LDLRAD3: variants seen among roughly 807,000 people sequenced by gnomAD.
LDLRAD3 encodes low density lipoprotein receptor class A domain containing 3, also known as low-density lipoprotein receptor class A domain-containing protein 3.
A neutral mutation model predicts 29.4 loss-of-function variants in LDLRAD3; 20 were observed. The ratio of observed to expected loss-of-function variants is 0.68; its 90% confidence interval spans 0.48 to 0.99. The LOEUF (loss-of-function observed/expected upper bound fraction) is 0.99, where lower values mean the gene tolerates loss of function less well. LDLRAD3 is among the 50% of genes least tolerant of loss of function. LDLRAD3 has a pLI of 0.00. For synonymous variants in LDLRAD3, 157 were observed against 192.7 expected (o/e 0.81, Z 1.53); for missense variants, 420 against 454.3 (o/e 0.92, Z 0.69).
At chr11:36,027,154 T>G (rs1852177698) in intron 1 of LDLRAD3, among the ~76,000 whole-genome samples, 1 of 152,206 alleles carries the variant, frequency 6.6e-6, no homozygotes, top group Non-Finnish European at 1.5e-5. Flanking sequence ...CCTCCCCATC[T>G]TCTTGCCACT....
At chr11:36,049,463 A>G (rs1852498248) in intron 2 of LDLRAD3, among the ~76,000 whole-genome samples, 1 of 152,154 alleles carries the variant, frequency 6.6e-6, no homozygotes, top group Non-Finnish European at 1.5e-5. Context: ...ACACTTGAAT[A>G]TTTTCTAAAG....
intron 3 of LDLRAD3, among the ~76,000 whole-genome samples, chr11:36,085,932 A>G (rs756367963): frequency 6.6e-6 from 1 of 151,930 alleles, no homozygotes; most frequent in Non-Finnish European, 1.5e-5. Context: ...GTTCATTTTT[A>G]ATCACTCCTT....
At position 36,229,143 on chromosome 11, in the gene LDLRAD3, T is replaced by G. The variant is rs777348525; in HGVS notation, c.801-17T>G. On this transcript the variant is annotated splice_polypyrimidine_tract_variant and intron_variant, in intron 5 of 5. Transcript: ENST00000315571. ...CCTGTCTCCATTGCCCCTGCCCCCC[T>G]GCTGTCCCCATCACAGGCCTGCGTG... The G allele has an allele frequency of 6.3e-7, 1 of 1,578,346 alleles. No individual in the cohort carries two copies. Among genetic ancestry groups the G allele is most frequent in the South Asian group, 1.1e-5 (1 of 90,254 alleles).
At chr11:36,007,645 T>G (rs11033372) in intron 1 of LDLRAD3, among the ~76,000 whole-genome samples, 2,598 of 152,286 alleles carry the variant, frequency 0.017, 83 homozygotes, top group African/African-American at 0.059. Context: ...ACAAAACTGT[T>G]AGAACAGAAA....
At chr11:36,162,393 G>T (rs1247187495) in intron 4 of LDLRAD3, among the ~76,000 whole-genome samples, 2 of 152,170 alleles carry the variant, frequency 1.3e-5, no homozygotes, top group African/African-American at 2.4e-5. Context: ...CTGTCACTGT[G>T]CACCATGTCT....
At chr11:36,144,606 T>A (rs1357813789) in intron 4 of LDLRAD3, among the ~76,000 whole-genome samples, 1 of 140,690 alleles carries the variant, frequency 7.1e-6, no homozygotes, top group Non-Finnish European at 1.5e-5. Context: ...GGAGACCCTC[T>A]GCCTGGCAAC....
At chr11:35,979,241 C>T (rs1005788622) in intron 1 of LDLRAD3, among the ~76,000 whole-genome samples, 4 of 152,030 alleles carry the variant, frequency 2.6e-5, no homozygotes, top group Non-Finnish European at 4.4e-5. Context: ...GGCCCGGGCT[C>T]CTAGATGGGA....
At chr11:36,004,123 C>T (rs888292831) in intron 1 of LDLRAD3, among the ~76,000 whole-genome samples, 17 of 152,140 alleles carry the variant, frequency 1.1e-4, no homozygotes, top group African/African-American at 3.9e-4. Context: ...TTGCAAAATA[C>T]AATTATCTCT....
At chr11:36,093,900 C>T (rs1239193854) in intron 3 of LDLRAD3, among the ~76,000 whole-genome samples, 1 of 136,500 alleles carries the variant, frequency 7.3e-6, no homozygotes, top group Non-Finnish European at 1.6e-5. Flanking sequence ...TGGTTTGTGA[C>T]TGTGCAAAAA....
intron 2 of LDLRAD3, among the ~76,000 whole-genome samples, chr11:36,068,038 C>G (rs1044329746): frequency 3.3e-5 from 5 of 152,144 alleles, no homozygotes; most frequent in Admixed American, 6.5e-5. Flanking sequence ...TTGCAATCAT[C>G]TGCTTATTGT....
rs531023016 is a variant in LDLRAD3, at chr11:36,106,587, A to C, written c.454+8126A>C. Among the ~76,000 whole-genome samples, 7 of 152,326 alleles carry C rather than the reference A, an allele frequency of 4.6e-5. 1 individual carries two copies. The highest frequency in any genetic ancestry group is 1.7e-4 in the African/African-American group (7 of 41,584). Reference sequence around the variant, plus strand: ...GAGGGTCCTAAGGGCTGCTAGGCAGAGGGGTCACCAAATCAGACCAACACT... The same window carrying C: ...GAGGGTCCTAAGGGCTGCTAGGCAGCGGGGTCACCAAATCAGACCAACACT... On this transcript the variant is annotated intron_variant, in intron 4 of 5. Coordinates refer to ENST00000315571, the MANE Select transcript of LDLRAD3 (RefSeq NM_174902.4).
intron 3 of LDLRAD3, among the ~76,000 whole-genome samples, chr11:36,097,524 C>T (rs1050415880): frequency 5.9e-5 from 9 of 152,134 alleles, no homozygotes; most frequent in East Asian, 1.9e-4. Context: ...GGCCAGCCTT[C>T]GGGTTGACCA....
intron 1 of LDLRAD3, among the ~76,000 whole-genome samples, chr11:36,019,722 G>A (rs1358985): frequency 0.1 from 15,220 of 152,182 alleles, 876 homozygotes; most frequent in African/African-American, 0.16. Context: ...CTGTGTTGCA[G>A]CTGTCACTAT....
chr11:36,145,030 G>A (rs1257352666), intron 4 of LDLRAD3, among the ~76,000 whole-genome samples: 4 of 112,550 alleles, frequency 3.6e-5, no homozygotes, highest in African/African-American at 1.3e-4. Context: ...GAGGTGAGGG[G>A]CGCCTCTGCC....
chr11:35,975,540 A>G (rs974528746), intron 1 of LDLRAD3, among the ~76,000 whole-genome samples: 3 of 152,180 alleles, frequency 2.0e-5, no homozygotes, highest in African/African-American at 7.2e-5. Context: ...TTCCTGGCCA[A>G]AATAATGCTT....
At chr11:35,963,565 C>G (rs1251689969) in intron 1 of LDLRAD3, among the ~76,000 whole-genome samples, 1 of 152,116 alleles carries the variant, frequency 6.6e-6, no homozygotes, top group Non-Finnish European at 1.5e-5. Flanking sequence ...TGGCAATAAT[C>G]ATCATCTCAG....
intron 4 of LDLRAD3, among the ~76,000 whole-genome samples, chr11:36,211,050 T>G (rs907059787): frequency 6.6e-5 from 10 of 152,224 alleles, no homozygotes; most frequent in African/African-American, 2.2e-4. Context: ...ATCTCTAAGC[T>G]CATGGTTCAT....
chr11:36,054,970 C>CATGGATGGATGGATGGATGGATGGATGG (rs147422335), intron 2 of LDLRAD3, among the ~76,000 whole-genome samples: 1 of 87,310 alleles, frequency 1.1e-5, no homozygotes, highest in Non-Finnish European at 2.3e-5. Context: ...TGGATGGATG[C>CATGGATGGATGGATGGATGGATGGATGG]ATGGATGGAT....
intron 2 of LDLRAD3, among the ~76,000 whole-genome samples, chr11:36,049,684 G>C (rs1852501614): frequency 6.6e-6 from 1 of 152,204 alleles, no homozygotes; most frequent in Non-Finnish European, 1.5e-5. Flanking sequence ...GTGATTGGAA[G>C]GCAAAGGACT....
Sources: gnomAD v4.1 joint callset for allele counts (sites outside exome capture counted in the v4.1 genomes callset) on GRCh38, gnomAD v4.1.1 for gene constraint, MANE v1.5 for transcripts, NCBI Gene and HGNC (gene_info 2026-07-23, HGNC 2026-07-21) for gene names.